CCSER1: variants seen among roughly 807,000 people sequenced by gnomAD.
CCSER1 encodes coiled-coil serine rich protein 1, also known as serine-rich coiled-coil domain-containing protein 1.
CCSER1 carries 41 observed loss-of-function variants against 82.0 expected under a neutral mutation model. That is an observed-to-expected ratio of 0.50 (90% CI 0.39 to 0.65). CCSER1 has a LOEUF of 0.65. Ranked by LOEUF, CCSER1 falls within the 30% of genes least tolerant of loss-of-function variation. CCSER1 has a pLI of 0.00. For synonymous variants in CCSER1, 414 were observed against 383.9 expected (o/e 1.08, Z -0.92); for missense variants, 1,119 against 1,064.2 (o/e 1.05, Z -0.72).
At chr4:91,448,221 C>A (rs1350684992) in intron 10 of CCSER1, among the ~76,000 whole-genome samples, 3 of 151,960 alleles carry the variant, frequency 2.0e-5, no homozygotes, top group African/African-American at 7.2e-5. Flanking sequence ...TCAAATATTT[C>A]TATTTGACAG....
chr4:91,210,486 A>C (rs967591012), intron 10 of CCSER1, among the ~76,000 whole-genome samples: 1 of 151,660 alleles, frequency 6.6e-6, no homozygotes, highest in African/African-American at 2.4e-5. Flanking sequence ...AACTGACACA[A>C]TTGGAAGTGA....
chr4:91,074,013 T>C (rs1160702253), intron 9 of CCSER1, among the ~76,000 whole-genome samples: 1 of 152,182 alleles, frequency 6.6e-6, no homozygotes, highest in Non-Finnish European at 1.5e-5. Context: ...ATATAATAAA[T>C]GTGGCAGTGA....
chr4:90,463,288 C>T (rs1033722318), intron 4 of CCSER1, among the ~76,000 whole-genome samples: 2 of 152,112 alleles, frequency 1.3e-5, no homozygotes, highest in African/African-American at 2.4e-5. Flanking sequence ...ATTACATTTA[C>T]ACTATTACTT....
At chr4:91,191,698 G>A (rs374921662) in intron 10 of CCSER1, among the ~76,000 whole-genome samples, 4 of 152,274 alleles carry the variant, frequency 2.6e-5, no homozygotes, top group Admixed American at 6.5e-5. Flanking sequence ...TAATAACAGT[G>A]CTATCCCTTG....
At position 91,552,261 on chromosome 4, in the gene CCSER1, ATAAT is replaced by A. The variant is rs1334287538; in HGVS notation, c.2218-46308_2218-46305del. Among the ~76,000 whole-genome samples the A allele has an allele frequency of 3.3e-5, 5 of 151,696 alleles. 1 individual carries two copies. The highest frequency in any genetic ancestry group is 7.3e-5 in the African/African-American group (3 of 41,170). ...GTGCTTAAGCTGATAAATGTAATGA[ATAAT>A]TAGAGACCCTCAAATATTCTTATTA... is the stretch of plus-strand genomic sequence containing the variant. On this transcript the variant is annotated intron_variant, in intron 10 of 10. Coordinates refer to ENST00000509176, the MANE Select transcript of CCSER1 (RefSeq NM_001145065.2).
chr4:91,468,335 A>G (rs1757053466), intron 10 of CCSER1, among the ~76,000 whole-genome samples: 2 of 152,070 alleles, frequency 1.3e-5, no homozygotes, highest in South Asian at 4.2e-4. Flanking sequence ...CAGGAACATG[A>G]CACACCTGGG....
intron 6 of CCSER1, among the ~76,000 whole-genome samples, chr4:90,657,370 A>C (rs1019841808): frequency 6.6e-6 from 1 of 152,036 alleles, no homozygotes; most frequent in Non-Finnish European, 1.5e-5. Flanking sequence ...AGTTTGAGCT[A>C]CCTTTACATA....
chr4:90,344,770 C>T (rs1329986871), intron 3 of CCSER1, among the ~76,000 whole-genome samples: 1 of 152,058 alleles, frequency 6.6e-6, no homozygotes, highest in Non-Finnish European at 1.5e-5. Context: ...CTTAATAAAA[C>T]TTTAATACAC....
intron 10 of CCSER1, among the ~76,000 whole-genome samples, chr4:91,496,169 A>T (rs2110080040): frequency 6.6e-6 from 1 of 151,622 alleles, no homozygotes; most frequent in East Asian, 1.9e-4. Flanking sequence ...AGTACCTCAG[A>T]CATTTTTATT....
intron 10 of CCSER1, among the ~76,000 whole-genome samples, chr4:91,171,204 T>G (rs1384477847): frequency 1.3e-5 from 2 of 152,172 alleles, no homozygotes; most frequent in Admixed American, 6.5e-5. Context: ...TATTAAATAT[T>G]TTTTCATCCC....
intron 10 of CCSER1, among the ~76,000 whole-genome samples, chr4:91,169,305 T>C (rs1732505879): frequency 6.6e-6 from 1 of 152,188 alleles, no homozygotes; most frequent in Non-Finnish European, 1.5e-5. Context: ...CTTCAGTTTT[T>C]GCTTTATATA....
chr4:90,764,161 C>G (rs1235217059), intron 7 of CCSER1, among the ~76,000 whole-genome samples: 1 of 152,136 alleles, frequency 6.6e-6, no homozygotes, highest in Admixed American at 6.6e-5. Context: ...ACTTCTAGAA[C>G]TTGTGCCAAG....
chr4:91,349,468 T>C (rs561577339), intron 10 of CCSER1, among the ~76,000 whole-genome samples: 1 of 152,258 alleles, frequency 6.6e-6, no homozygotes, highest in African/African-American at 2.4e-5. Flanking sequence ...AGTCTTACAT[T>C]AGGCCTCCTT....
chr4:90,756,494 A>C (rs1225624533), intron 7 of CCSER1, among the ~76,000 whole-genome samples: 4 of 152,198 alleles, frequency 2.6e-5, no homozygotes, highest in African/African-American at 4.8e-5. Context: ...GTTAGCCAGT[A>C]AGAAAGTCTT....
At chr4:90,729,633 T>C (rs1744332382) in intron 7 of CCSER1, among the ~76,000 whole-genome samples, 1 of 152,128 alleles carries the variant, frequency 6.6e-6, no homozygotes, top group Non-Finnish European at 1.5e-5. Flanking sequence ...CCCAGCACTT[T>C]GGGAGGCTGA....
At chr4:90,952,530 T>C (rs529080620) in intron 9 of CCSER1, among the ~76,000 whole-genome samples, 27 of 152,198 alleles carry the variant, frequency 1.8e-4, no homozygotes, top group African/African-American at 5.8e-4. Flanking sequence ...GAAATCTTGA[T>C]TGATAACATA....
At chr4:90,868,031 A>G (rs1765958717) in intron 8 of CCSER1, among the ~76,000 whole-genome samples, 1 of 151,990 alleles carries the variant, frequency 6.6e-6, no homozygotes, top group Admixed American at 6.6e-5. Context: ...TCTTCAATAC[A>G]CTTATTTTCT....
At chr4:91,211,048 A>G (rs1736775649) in intron 10 of CCSER1, among the ~76,000 whole-genome samples, 1 of 152,018 alleles carries the variant, frequency 6.6e-6, no homozygotes, top group South Asian at 2.1e-4. Flanking sequence ...ATAAAAAACA[A>G]ATTATATTGG....
chr4:91,245,622 A>G (rs1739709631), intron 10 of CCSER1, among the ~76,000 whole-genome samples: 1 of 152,212 alleles, frequency 6.6e-6, no homozygotes, highest in African/African-American at 2.4e-5. Context: ...TCAACAGGAG[A>G]CCTGTCCTAC....
Sources: allele counts gnomAD v4.1 joint callset (sites outside exome capture counted in the v4.1 genomes callset), GRCh38; gene constraint gnomAD v4.1.1; transcripts MANE v1.5; gene names NCBI Gene and HGNC (gene_info 2026-07-23, HGNC 2026-07-21).